The following MTUS2 variants were observed in gnomAD, a reference collection of about 807,000 sequenced individuals.
MTUS2 encodes microtubule associated scaffold protein 2, also known as microtubule-associated tumor suppressor candidate 2.
A neutral mutation model predicts 114.1 loss-of-function variants in MTUS2; 40 were observed. The observed-to-expected ratio is 0.35, with a 90% CI of 0.27 to 0.46. The LOEUF is 0.46. Among genes scored for constraint, MTUS2 ranks in the 20% least tolerant of loss-of-function variants. MTUS2 has a pLI of 1.00. For synonymous variants in MTUS2, 688 were observed against 672.0 expected, an observed-to-expected ratio of 1.02 and a Z score of -0.37; for missense variants, 1,679 against 1,705.4, an observed-to-expected ratio of 0.98 and a Z score of 0.27.
At chr13:29,289,678 G>A (rs953782961) in intron 6 of MTUS2, among the ~76,000 whole-genome samples, 2 of 151,920 alleles carry the variant, frequency 1.3e-5, no homozygotes, top group Admixed American at 1.3e-4. Flanking sequence ...TCTTGGCCAG[G>A]CTGGTCTTGA....
At chr13:29,224,129 T>G (rs1593188223) in intron 5 of MTUS2, among the ~76,000 whole-genome samples, 1 of 152,004 alleles carries the variant, frequency 6.6e-6, no homozygotes, top group South Asian at 2.1e-4. Context: ...GTTGAGTGGG[T>G]GGAACGAGCC....
chr13:28,823,791 A>G (rs948376858), intron 1 of MTUS2, among the ~76,000 whole-genome samples: 2 of 152,212 alleles, frequency 1.3e-5, no homozygotes, highest in African/African-American at 4.8e-5. Flanking sequence ...TGACTCATAT[A>G]GTTCAGCATG....
chr13:29,183,864 C>A lies in MTUS2; in HGVS notation c.2644+82894C>A, dbSNP rs74241792. ...TATTATCTTACTCATAATTTTACTA[C>A]AGAAAGAATTTTCCAGGTCTGTATA... On this transcript the variant is annotated intron_variant, in intron 5 of 15. Coordinates refer to ENST00000612955, the MANE Select transcript of MTUS2 (RefSeq NM_001033602.4). 1.6e-4 allele frequency among the ~76,000 whole-genome samples: 24 copies of A among 152,206 alleles called. No individual in the cohort carries two copies. In the East Asian group the frequency reaches 4.6e-3, roughly 29 times the overall value.
At chr13:29,339,934 G>A (rs1341696817) in intron 7 of MTUS2, 1 of 152,486 alleles carries the variant, frequency 6.6e-6, no homozygotes, top group African/African-American at 2.4e-5. Flanking sequence ...AGCTCAAGTA[G>A]TTGCCCATGA....
chr13:28,892,191 C>T (rs561616164), intron 2 of MTUS2, among the ~76,000 whole-genome samples: 4 of 152,268 alleles, frequency 2.6e-5, no homozygotes, highest in Non-Finnish European at 5.9e-5. Context: ...TATTTATATA[C>T]CCTGTGTTAT....
chr13:29,338,459 G>A (rs569543837), intron 7 of MTUS2, among the ~76,000 whole-genome samples: 8 of 152,044 alleles, frequency 5.3e-5, no homozygotes, highest in Non-Finnish European at 8.8e-5. Context: ...GCGTGGCGGC[G>A]TGAGCCTGTA....
intron 8 of MTUS2, among the ~76,000 whole-genome samples, chr13:29,391,472 A>T (rs555356821): frequency 1.1e-3 from 164 of 152,258 alleles, no homozygotes; most frequent in African/African-American, 3.8e-3. Flanking sequence ...ATTCCACTGG[A>T]GTAAGGAGCT....
chr13:29,282,080 C>T (rs1291276956), intron 6 of MTUS2, among the ~76,000 whole-genome samples: 1 of 152,332 alleles, frequency 6.6e-6, no homozygotes, highest in East Asian at 1.9e-4. Context: ...ACTGGTAACC[C>T]TTTGAATCAC....
At chr13:29,363,444 G>A (rs1312460224) in intron 8 of MTUS2, among the ~76,000 whole-genome samples, 1 of 152,062 alleles carries the variant, frequency 6.6e-6, no homozygotes, top group Non-Finnish European at 1.5e-5. Flanking sequence ...AATATGTCAA[G>A]CATTTTTGGA....
intron 5 of MTUS2, among the ~76,000 whole-genome samples, chr13:29,215,255 G>T (rs868053205): frequency 6.6e-6 from 1 of 151,876 alleles, no homozygotes; most frequent in Non-Finnish European, 1.5e-5. Context: ...CTATATAGCA[G>T]TTCCTGTAAG....
At chr13:29,023,752 G>A (rs1353310050) in intron 2 of MTUS2, among the ~76,000 whole-genome samples, 2 of 152,146 alleles carry the variant, frequency 1.3e-5, no homozygotes, top group South Asian at 4.1e-4. Context: ...CAGTTATTTT[G>A]CAATACATAC....
intron 4 of MTUS2, among the ~76,000 whole-genome samples, chr13:29,086,024 C>T (rs1889677155): frequency 6.6e-6 from 1 of 152,140 alleles, no homozygotes; most frequent in Non-Finnish European, 1.5e-5. Context: ...TTGCATTTCT[C>T]TGATGATTAG....
intron 2 of MTUS2, among the ~76,000 whole-genome samples, chr13:28,862,556 T>C (rs144565704): frequency 0.011 from 1,671 of 152,278 alleles, 13 homozygotes; most frequent in Non-Finnish European, 0.017. Flanking sequence ...GAGGTTGCAG[T>C]GAGCAGAGAC....
intron 5 of MTUS2, among the ~76,000 whole-genome samples, chr13:29,184,508 G>T (rs559599061): frequency 3.3e-5 from 5 of 152,270 alleles, no homozygotes; most frequent in South Asian, 2.1e-4. Flanking sequence ...TTGAAGCATT[G>T]GGAAAGCAGG....
chr13:29,259,164 G>A (rs980428980), intron 5 of MTUS2, among the ~76,000 whole-genome samples: 3 of 152,182 alleles, frequency 2.0e-5, no homozygotes, highest in African/African-American at 4.8e-5. Context: ...GGGTGGGGGC[G>A]GAGAGTGGAG....
At position 28,947,211 on chromosome 13, in the gene MTUS2, T is replaced by C. The variant is rs116371804; in HGVS notation, c.-242-77246T>C. Among the ~76,000 whole-genome samples the C allele has an allele frequency of 9.1e-3, 1,384 of 152,312 alleles. 17 individuals carry two copies. Among genetic ancestry groups the C allele is most frequent in the African/African-American group, 0.031 (1,297 of 41,572 alleles). ...AAAGTTTTACTGGGCTTTTATGTTT[T>C]GGCTGTTAAGAACTGCAGCTGAAAA... On this transcript the variant is annotated intron_variant, in intron 2 of 15. Coordinates refer to ENST00000612955, the MANE Select transcript of MTUS2 (RefSeq NM_001033602.4).
intron 5 of MTUS2, among the ~76,000 whole-genome samples, chr13:29,279,982 A>T (rs1898206111): frequency 6.6e-6 from 1 of 152,226 alleles, no homozygotes. Flanking sequence ...CAGTGAACAG[A>T]TTATTCTGGC....
intron 2 of MTUS2, among the ~76,000 whole-genome samples, chr13:28,937,756 G>T (rs540088586): frequency 6.6e-6 from 1 of 152,312 alleles, no homozygotes; most frequent in South Asian, 2.1e-4. Flanking sequence ...GTGGGGTGCA[G>T]TGACCTTCTT....
chr13:29,262,787 C>T (rs977282559), intron 5 of MTUS2, among the ~76,000 whole-genome samples: 1 of 152,074 alleles, frequency 6.6e-6, no homozygotes, highest in Admixed American at 6.5e-5. Flanking sequence ...GAAGATATTT[C>T]CATAAGGCTT....
Sources: gnomAD v4.1 joint callset for allele counts (sites outside exome capture counted in the v4.1 genomes callset) on GRCh38, gnomAD v4.1.1 for gene constraint, MANE v1.5 for transcripts, NCBI Gene and HGNC (gene_info 2026-07-23, HGNC 2026-07-21) for gene names.